GRIK2: variants seen among roughly 807,000 people sequenced by gnomAD.
The protein encoded by GRIK2 is glutamate ionotropic receptor kainate type subunit 2.
In GRIK2, 32 loss-of-function variants were observed where a neutral mutation model predicts 100.3. The ratio of observed to expected loss-of-function variants is 0.32; its 90% confidence interval spans 0.24 to 0.43. The LOEUF is 0.43. Ranked by LOEUF, GRIK2 falls within the 20% of genes least tolerant of loss-of-function variation. The probability of loss-of-function intolerance (pLI) is 1.00; values close to 1 mark genes in which losing one functional copy is unlikely to be tolerated. For missense variants in GRIK2, 843 were observed against 1,114.9 expected, an observed-to-expected ratio of 0.76 and a Z score of 3.47; for synonymous variants, 417 against 389.4, an observed-to-expected ratio of 1.07 and a Z score of -0.83.
intron 7 of GRIK2, among the ~76,000 whole-genome samples, chr6:101,735,117 G>C (rs1775545250): frequency 6.6e-6 from 1 of 152,124 alleles, no homozygotes; most frequent in Non-Finnish European, 1.5e-5. Context: ...TTTAGTTTTA[G>C]GTTTATGAAG....
At chr6:101,420,451 A>T (rs182112014) in intron 2 of GRIK2, among the ~76,000 whole-genome samples, 4 of 152,324 alleles carry the variant, frequency 2.6e-5, no homozygotes, top group Admixed American at 6.5e-5. Context: ...AAAAATGGTC[A>T]TTTCATGTGG....
intron 4 of GRIK2, among the ~76,000 whole-genome samples, chr6:101,631,709 T>A (rs1054014321): frequency 6.6e-6 from 1 of 152,134 alleles, no homozygotes; most frequent in Non-Finnish European, 1.5e-5. Flanking sequence ...TATACTTGTA[T>A]GATCTCTCAA....
chr6:101,417,677 A>G (rs1776219160), intron 2 of GRIK2, among the ~76,000 whole-genome samples: 1 of 152,190 alleles, frequency 6.6e-6, no homozygotes, highest in South Asian at 2.1e-4. Flanking sequence ...TTAGCCTTTG[A>G]GAGGCTTTTG....
At chr6:101,701,056 G>A (rs1018244388) in intron 7 of GRIK2, among the ~76,000 whole-genome samples, 1 of 151,974 alleles carries the variant, frequency 6.6e-6, no homozygotes, top group East Asian at 1.9e-4. Flanking sequence ...TTGAGATGAT[G>A]GTAATACCTT....
At chr6:102,050,205 C>T (rs914233100) in intron 15 of GRIK2, among the ~76,000 whole-genome samples, 5 of 150,204 alleles carry the variant, frequency 3.3e-5, no homozygotes, top group Admixed American at 6.7e-5. Flanking sequence ...TTTAGAACTA[C>T]GTGCACATTT....
intron 14 of GRIK2, among the ~76,000 whole-genome samples, chr6:102,008,965 G>A (rs1045637903): frequency 3.3e-5 from 5 of 151,884 alleles, no homozygotes; most frequent in South Asian, 2.1e-4. Context: ...TTTTAGTGTC[G>A]TTAAGTAACA....
At chr6:101,788,649 T>A (rs1453490687) in intron 7 of GRIK2, among the ~76,000 whole-genome samples, 1 of 152,208 alleles carries the variant, frequency 6.6e-6, no homozygotes, top group East Asian at 1.9e-4. Context: ...TTTGCTATTG[T>A]GAATAGTGCT....
At position 101,920,633 on chromosome 6, in the gene GRIK2, G is replaced by A. The variant is rs895387992; in HGVS notation, c.1749-3968G>A. On this transcript the variant is annotated intron_variant, in intron 12 of 16. Transcript: ENST00000369134. ...AATGGTAGTACTGGGTAGTATTGAA[G>A]GATGGGTGTAGGATTTGAATATCTA... Among the ~76,000 whole-genome samples, 93 of 151,814 alleles carry A rather than the reference G, an allele frequency of 6.1e-4. 1 individual carries two copies. Among genetic ancestry groups the A allele is most frequent in the Non-Finnish European group, 1.6e-4 (11 of 67,868 alleles).
intron 2 of GRIK2, among the ~76,000 whole-genome samples, chr6:101,542,126 A>T (rs1442054563): frequency 6.6e-6 from 1 of 152,012 alleles, no homozygotes; most frequent in Non-Finnish European, 1.5e-5. Flanking sequence ...TTCTAGGGAA[A>T]CTGTAATAAT....
chr6:101,700,590 A>G (rs559826653), intron 7 of GRIK2, among the ~76,000 whole-genome samples: 1 of 152,176 alleles, frequency 6.6e-6, no homozygotes, highest in African/African-American at 2.4e-5. Context: ...AAAATGCTGT[A>G]GGATGAGCAT....
At chr6:101,930,396 G>T (rs1310001784) in intron 14 of GRIK2, among the ~76,000 whole-genome samples, 1 of 151,848 alleles carries the variant, frequency 6.6e-6, no homozygotes, top group East Asian at 1.9e-4. Context: ...ATTGCTAAAC[G>T]TGCGTTGTTA....
intron 12 of GRIK2, among the ~76,000 whole-genome samples, chr6:101,893,874 A>G (rs1003778451): frequency 1.3e-5 from 2 of 151,752 alleles, no homozygotes; most frequent in Non-Finnish European, 3.0e-5. Context: ...ATCTGGCAAT[A>G]TATATCTATT....
chr6:101,608,671 A>G (rs1319786827), intron 2 of GRIK2, among the ~76,000 whole-genome samples: 2 of 151,868 alleles, frequency 1.3e-5, no homozygotes, highest in Non-Finnish European at 2.9e-5. Flanking sequence ...AATTCTCACT[A>G]ACGAATTTTA....
chr6:101,835,688 C>T (rs536509389), intron 10 of GRIK2, among the ~76,000 whole-genome samples: 43 of 148,456 alleles, frequency 2.9e-4, no homozygotes, highest in Admixed American at 5.4e-4. Context: ...CAGGCTCAAA[C>T]TCCTGATCTC....
At chr6:101,592,338 C>T (rs1007045758) in intron 2 of GRIK2, among the ~76,000 whole-genome samples, 8 of 151,592 alleles carry the variant, frequency 5.3e-5, no homozygotes, top group South Asian at 2.1e-4. Context: ...TGGAATGCTC[C>T]GAAGCTGTGA....
intron 7 of GRIK2, among the ~76,000 whole-genome samples, chr6:101,727,078 G>T (rs544765437): frequency 2.6e-5 from 4 of 151,882 alleles, no homozygotes; most frequent in Non-Finnish European, 4.4e-5. Flanking sequence ...ATATTATTTT[G>T]TGGTGGTAAA....
At chr6:101,513,920 A>G (rs1334092779) in intron 2 of GRIK2, among the ~76,000 whole-genome samples, 2 of 152,184 alleles carry the variant, frequency 1.3e-5, no homozygotes, top group East Asian at 1.9e-4. Flanking sequence ...GAAAGTTAGT[A>G]CAATAGGGAA....
At chr6:101,796,201 C>T (rs780120811) in intron 7 of GRIK2, among the ~76,000 whole-genome samples, 7 of 152,074 alleles carry the variant, frequency 4.6e-5, no homozygotes, top group Non-Finnish European at 1.0e-4. Flanking sequence ...CCTTGGTTTC[C>T]TATTTGACAC....
Position 102,068,484 on chromosome 6 carries a change from G to A in GRIK2, c.2700G>A (p.Arg900=). The A allele has an allele frequency of 5.0e-6, 8 of 1,611,618 alleles. No homozygotes were observed. The highest frequency in any genetic ancestry group is 1.1e-5 in the South Asian group (1 of 90,986). ...VINMHTFNDR[R]LPGKETMA is the part of the protein sequence containing the mutation. ...ACATGCACACATTTAACGACAGAAGGTTGCCAGGTAAAGAAACCATGGCAT... is the reference window on the plus strand; with the variant it reads ...ACATGCACACATTTAACGACAGAAGATTGCCAGGTAAAGAAACCATGGCAT... The change falls in exon 17 of 17, where the codon AGG becomes AGA. Residue 900 remains arginine (R), a synonymous_variant. Coordinates refer to ENST00000369134, the MANE Select transcript of GRIK2 (RefSeq NM_021956.5).
Sources: gnomAD v4.1 joint callset for allele counts (sites outside exome capture counted in the v4.1 genomes callset) on GRCh38, gnomAD v4.1.1 for gene constraint, MANE v1.5 for transcripts, NCBI Gene and HGNC (gene_info 2026-07-23, HGNC 2026-07-21) for gene names.